WSCD2: variants seen among roughly 807,000 people sequenced by gnomAD.
WSCD2 encodes the protein sialate:O-sulfotransferase 2.
A neutral mutation model predicts 55.7 loss-of-function variants in WSCD2; 28 were observed. The observed-to-expected ratio is 0.50, with a 90% CI of 0.37 to 0.69. The LOEUF (loss-of-function observed/expected upper bound fraction) is 0.69, where lower values mean the gene tolerates loss of function less well. Among genes scored for constraint, WSCD2 ranks in the 30% least tolerant of loss-of-function variants. The pLI, the probability that WSCD2 is intolerant of heterozygous loss-of-function variation, is 0.00. For missense variants in WSCD2, 616 were observed against 762.1 expected, an observed-to-expected ratio of 0.81 and a Z score of 2.26; for synonymous variants, 301 against 301.9, an observed-to-expected ratio of 1.00 and a Z score of 0.03.
At position 108,206,417 on chromosome 12, in the gene WSCD2, A is replaced by G; in HGVS notation, c.497+14A>G. On this transcript the variant is annotated intron_variant, in intron 3 of 8. Transcript: ENST00000547525. ...CTGTGCTGAACGGTAGGGTCCCAGC[A>G]TCCCAGACTTGTCCATTTCAGGCCC... 1 of 1,612,438 alleles carries G rather than the reference A, an allele frequency of 6.2e-7. No individual in the cohort carries two copies. The highest frequency in any genetic ancestry group is 8.5e-7 in the Non-Finnish European group (1 of 1,178,520).
At chr12:108,205,493 A>T (rs1287686482) in intron 2 of WSCD2, among the ~76,000 whole-genome samples, 1 of 152,222 alleles carries the variant, frequency 6.6e-6, no homozygotes, top group Non-Finnish European at 1.5e-5. Flanking sequence ...CATAAAGTGC[A>T]AGAAAAATGT....
intron 4 of WSCD2, 148 bp from the exon 5 acceptor site, chr12:108,224,591 A>G (rs1887877458): frequency 3.0e-6 from 3 of 1,007,652 alleles, no homozygotes; most frequent in South Asian, 1.6e-5. Context: ...AACAGAAAAC[A>G]TGGCCACTCT....
chr12:108,188,470 G>A (rs1882785103), intron 1 of WSCD2, among the ~76,000 whole-genome samples: 1 of 152,156 alleles, frequency 6.6e-6, no homozygotes, highest in South Asian at 2.1e-4. Context: ...ATGGAAGGGT[G>A]TGTCCCAGAG....
At chr12:108,186,952 G>A (rs781774038) in intron 1 of WSCD2, among the ~76,000 whole-genome samples, 14 of 151,850 alleles carry the variant, frequency 9.2e-5, no homozygotes, top group Non-Finnish European at 1.6e-4. Flanking sequence ...TCTTTGTCTC[G>A]GTTCAGTGTC....
Position 108,217,412 on chromosome 12 carries a change from C to T in WSCD2, c.682+7107C>T, listed in dbSNP as rs1319827377. On this transcript the variant is annotated intron_variant, in intron 4 of 8. Coordinates refer to ENST00000547525, the MANE Select transcript of WSCD2 (RefSeq NM_014653.4). ...CCCACTGAAGGGGAGGGCCAGGTGA[C>T]CCATATTGCAGATGCAGGAAATGAG... Among the ~76,000 whole-genome samples the T allele has an allele frequency of 3.3e-5, 5 of 152,166 alleles. No individual in the cohort carries two copies. In the East Asian group the frequency reaches 9.6e-4, roughly 29 times the overall value.
At chr12:108,146,427 C>T (rs1029983212) in intron 1 of WSCD2, among the ~76,000 whole-genome samples, 9 of 152,226 alleles carry the variant, frequency 5.9e-5, no homozygotes, top group African/African-American at 2.2e-4. Context: ...AGGCCACCTG[C>T]CTGGAGGATA....
intron 7 of WSCD2, among the ~76,000 whole-genome samples, chr12:108,234,806 G>A (rs1265943767): frequency 6.6e-6 from 1 of 152,190 alleles, no homozygotes; most frequent in Non-Finnish European, 1.5e-5. Flanking sequence ...AAACAGAAGG[G>A]TCCCTCAGGA....
chr12:108,217,955 T>C (rs1887044804), intron 4 of WSCD2, among the ~76,000 whole-genome samples: 1 of 87,374 alleles, frequency 1.1e-5, no homozygotes, highest in Admixed American at 1.2e-4. Context: ...CTCTTCCTAC[T>C]CTGGCCTCCT....
chr12:108,151,993 T>C (rs773100854), intron 1 of WSCD2, among the ~76,000 whole-genome samples: 2 of 152,070 alleles, frequency 1.3e-5, no homozygotes, highest in African/African-American at 2.4e-5. Context: ...GGGCCATCGA[T>C]CTCCTTCCAA....
At chr12:108,214,969 T>C (rs1405219004) in intron 4 of WSCD2, among the ~76,000 whole-genome samples, 3 of 152,212 alleles carry the variant, frequency 2.0e-5, no homozygotes, top group African/African-American at 7.2e-5. Flanking sequence ...TTCCAACTAC[T>C]TTTACTGAGG....
chr12:108,182,181 TTG>T (rs1336852095), intron 1 of WSCD2, among the ~76,000 whole-genome samples: 1 of 152,208 alleles, frequency 6.6e-6, no homozygotes, highest in Non-Finnish European at 1.5e-5. Context: ...CTGTATATCG[TTG>T]TGTTTCCATC....
intron 2 of WSCD2, among the ~76,000 whole-genome samples, chr12:108,203,991 G>A (rs754443926): frequency 6.6e-6 from 1 of 152,224 alleles, no homozygotes; most frequent in African/African-American, 2.4e-5. Flanking sequence ...AAAAGCGGAA[G>A]TAACATGAGT....
chr12:108,138,870 G>C (rs1381597081), intron 1 of WSCD2, among the ~76,000 whole-genome samples: 2 of 152,194 alleles, frequency 1.3e-5, no homozygotes, highest in Admixed American at 1.3e-4. Flanking sequence ...CAGGTCCTGT[G>C]CTGGGCCCTG....
chr12:108,160,308 A>T (rs1021762091), intron 1 of WSCD2, among the ~76,000 whole-genome samples: 1 of 152,168 alleles, frequency 6.6e-6, no homozygotes, highest in Non-Finnish European at 1.5e-5. Context: ...ATATGACAAG[A>T]TAGTATATTG....
At chr12:108,226,428 A>G (rs1888093646) in intron 5 of WSCD2, among the ~76,000 whole-genome samples, 1 of 152,130 alleles carries the variant, frequency 6.6e-6, no homozygotes, top group African/African-American at 2.4e-5. Context: ...CATGGGTCTC[A>G]TATCACCATC....
chr12:108,212,892 C>G (rs1045078572), intron 4 of WSCD2, among the ~76,000 whole-genome samples: 1 of 152,130 alleles, frequency 6.6e-6, no homozygotes, highest in African/African-American at 2.4e-5. Context: ...CACCGTTGTT[C>G]CGAATCATCG....
Position 108,166,787 on chromosome 12 carries a change from TTCTG to T in WSCD2, c.-551-28491_-551-28488del, listed in dbSNP as rs1437962115. 3.6e-4 allele frequency among the ~76,000 whole-genome samples: 52 copies of T among 146,206 alleles called. 1 individual carries two copies. In the East Asian group the frequency reaches 3.7e-3, roughly 10 times the overall value. On this transcript the variant is annotated intron_variant, in intron 1 of 8. Transcript: ENST00000547525. ...TTTCTTTCTTTCTTTCTTTCTTTCT[TTCTG>T]TCTTTCTTTCTTTCTCTCTTTTTTT... is the stretch of plus-strand genomic sequence containing the variant.
At chr12:108,175,769 C>T (rs922011315) in intron 1 of WSCD2, among the ~76,000 whole-genome samples, 3 of 152,328 alleles carry the variant, frequency 2.0e-5, no homozygotes, top group Non-Finnish European at 4.4e-5. Context: ...GCATCCCTTC[C>T]TTCAGGGAAG....
chr12:108,160,008 G>A (rs985467183), intron 1 of WSCD2, among the ~76,000 whole-genome samples: 1 of 152,154 alleles, frequency 6.6e-6, no homozygotes, highest in African/African-American at 2.4e-5. Flanking sequence ...TATTAGACAC[G>A]GTATGATAGC....
Sources: allele counts gnomAD v4.1 joint callset (sites outside exome capture counted in the v4.1 genomes callset), GRCh38; gene constraint gnomAD v4.1.1; transcripts MANE v1.5; gene names NCBI Gene and HGNC (gene_info 2026-07-23, HGNC 2026-07-21).